Variants in SUCLA2 observed in about 807,000 individuals in gnomAD.
The protein encoded by SUCLA2 is succinate--CoA ligase [ADP-forming] subunit beta, mitochondrial.
In SUCLA2, 30 loss-of-function variants were observed where a neutral mutation model predicts 54.8. The observed-to-expected ratio is 0.55, with a 90% CI of 0.41 to 0.74. The LOEUF is 0.74. Among genes scored for constraint, SUCLA2 ranks in the 30% least tolerant of loss-of-function variants. SUCLA2 has a pLI of 0.00. For synonymous variants in SUCLA2, 172 were observed against 188.9 expected (o/e 0.91, Z 0.74); for missense variants, 476 against 562.9 (o/e 0.85, Z 1.56).
chr13:47,992,054 G>A (rs188824467), intron 2 of SUCLA2, among the ~76,000 whole-genome samples: 4 of 152,284 alleles, frequency 2.6e-5, no homozygotes, highest in African/African-American at 4.8e-5. Context: ...TACCTGTCCA[G>A]TCCTGATTTT....
chr13:47,970,734 C>G (rs2137718216), intron 5 of SUCLA2, among the ~76,000 whole-genome samples: 1 of 152,244 alleles, frequency 6.6e-6, no homozygotes, highest in East Asian at 1.9e-4. Context: ...GTGGCGGGCG[C>G]CTGTAATCCC....
At chr13:47,949,689 A>G in intron 8 of SUCLA2, 86 bp from the exon 9 acceptor site, 2 of 1,353,232 alleles carry the variant, frequency 1.5e-6, no homozygotes, top group Non-Finnish European at 2.1e-6. Context: ...GTGCTTCATG[A>G]TAAACATTAA....
In SUCLA2 at chr13:47,976,909, A is replaced by G. The variant is rs1036939703; in HGVS notation, c.535-3517T>C. Among the ~76,000 whole-genome samples, 7 of 152,150 alleles carry G rather than the reference A, an allele frequency of 4.6e-5. No individual in the cohort carries two copies. In the East Asian group the frequency reaches 1.2e-3, roughly 25 times the overall value. ...GGGATGCTCAACCTATATTTATACC[A>G]CAAGAAACTAGAAAAAGAATAACTA... On this transcript the variant is annotated intron_variant, in intron 4 of 10. Coordinates refer to ENST00000646932, the MANE Select transcript of SUCLA2 (RefSeq NM_003850.3).
In SUCLA2 at chr13:48,001,202, G is replaced by C. The variant is rs538760468; in HGVS notation, c.68C>G (p.Thr23Arg). ...TACCTGAGCAGCAGCCCGCTGGGCC[G>C]TCCGAGGCCGGTGGTTCCGAAGGGT... ...VATLRNHRPR[T>R]AQRAAAQVLG... Residue 23 changes from threonine (T) to arginine (R), a missense_variant, in exon 1 of 11, where the codon ACG becomes AGG. Thr to Arg is a moderately conservative substitution (Grantham distance 71, BLOSUM62 -1). This residue lies in a region of SUCLA2 where 134 missense variants were observed against 118.7 expected (regional missense o/e 1.13). Coordinates refer to ENST00000646932, the MANE Select transcript of SUCLA2 (RefSeq NM_003850.3). 78 of 1,609,618 alleles carry C rather than the reference G, an allele frequency of 4.8e-5. No homozygotes were observed. Among genetic ancestry groups the C allele is most frequent in the Admixed American group, 2.2e-4 (13 of 59,490 alleles).
At chr13:47,960,736 T>C (rs1471808059) in intron 6 of SUCLA2, among the ~76,000 whole-genome samples, 1 of 152,172 alleles carries the variant, frequency 6.6e-6, no homozygotes, top group Non-Finnish European at 1.5e-5. Context: ...TCTAGTGACT[T>C]TTGATCCCAA....
In SUCLA2 at chr13:47,947,274, T is replaced by TACACAC. The variant is rs34458960; in HGVS notation, c.1317+1660_1317+1665dup. Among the ~76,000 whole-genome samples the TACACAC allele has an allele frequency of 4.9e-3, 715 of 144,924 alleles. 4 individuals carry two copies. The highest frequency in any genetic ancestry group is 7.2e-3 in the Middle Eastern group (2 of 278). ...TGCATGTGTATGCACACACGCACAA[T>TACACAC]ACACACACACACACACACACACACA... On this transcript the variant is annotated intron_variant, in intron 10 of 10. Coordinates refer to ENST00000646932, the MANE Select transcript of SUCLA2 (RefSeq NM_003850.3).
chr13:47,994,039 C>G (rs1950171676), intron 2 of SUCLA2, among the ~76,000 whole-genome samples: 1 of 124,340 alleles, frequency 8.0e-6, no homozygotes, highest in Non-Finnish European at 1.7e-5. Context: ...GCCTGGGCAA[C>G]AAGAACGAAA....
At chr13:47,986,847 T>C (rs1950108808) in intron 4 of SUCLA2, among the ~76,000 whole-genome samples, 2 of 152,180 alleles carry the variant, frequency 1.3e-5, no homozygotes, top group African/African-American at 4.8e-5. Context: ...GATTAGTTAA[T>C]TCCCATGCAT....
chr13:47,982,331 A>G (rs1950066393), intron 4 of SUCLA2, among the ~76,000 whole-genome samples: 1 of 152,200 alleles, frequency 6.6e-6, no homozygotes, highest in African/African-American at 2.4e-5. Flanking sequence ...ATGCTGAGAT[A>G]AACCAGTTAC....
chr13:47,952,237 C>T (rs1949782134), intron 8 of SUCLA2, among the ~76,000 whole-genome samples: 1 of 152,136 alleles, frequency 6.6e-6, no homozygotes, highest in South Asian at 2.1e-4. Context: ...TCACCACTCT[C>T]TCCCGATCTG....
chr13:47,966,082 A>T (rs1949916108), intron 6 of SUCLA2, among the ~76,000 whole-genome samples: 1 of 152,168 alleles, frequency 6.6e-6, no homozygotes, highest in African/African-American at 2.4e-5. Flanking sequence ...TTTAGACACT[A>T]GAAGAACAAT....
chr13:47,981,941 C>A (rs960781940), intron 4 of SUCLA2, among the ~76,000 whole-genome samples: 2 of 152,162 alleles, frequency 1.3e-5, no homozygotes, highest in African/African-American at 4.8e-5. Context: ...GCCGAGACTG[C>A]ACTACTGCAC....
intron 9 of SUCLA2, among the ~76,000 whole-genome samples, chr13:47,949,231 C>T (rs1949758013): frequency 6.6e-6 from 1 of 152,100 alleles, no homozygotes; most frequent in Non-Finnish European, 1.5e-5. Flanking sequence ...TTCTGACTTG[C>T]TTAGTAATTC....
intron 6 of SUCLA2, among the ~76,000 whole-genome samples, chr13:47,960,666 T>G (rs931476422): frequency 1.3e-5 from 2 of 152,054 alleles, no homozygotes; most frequent in African/African-American, 4.8e-5. Flanking sequence ...GTGTGGACCA[T>G]TATTAAAATT....
At chr13:47,968,203 T>C (rs1171920594) in intron 6 of SUCLA2, among the ~76,000 whole-genome samples, 1 of 152,224 alleles carries the variant, frequency 6.6e-6, no homozygotes, top group Non-Finnish European at 1.5e-5. Flanking sequence ...GTGTGTGCTC[T>C]TTTAATATGG....
chr13:47,989,038 T>G (rs1270275902), intron 2 of SUCLA2, 57 bp from the exon 3 acceptor site: 1 of 1,507,088 alleles, frequency 6.6e-7, no homozygotes, highest in Non-Finnish European at 9.2e-7. Flanking sequence ...CCAGACATAG[T>G]ATTTTGTTAT....
chr13:47,988,453 C>G (rs1365523467), intron 4 of SUCLA2, 88 bp downstream of exon 4: 5 of 1,458,100 alleles, frequency 3.4e-6, no homozygotes, highest in Non-Finnish European at 3.8e-6. Context: ...CTTTTAAAAT[C>G]TTTCCCACAT....
At chr13:47,952,408 G>A (rs7326889) in intron 8 of SUCLA2, among the ~76,000 whole-genome samples, 94,840 of 151,654 alleles carry the variant, frequency 0.63, 30,600 homozygotes, top group East Asian at 0.77. Context: ...CTCCAATATA[G>A]GAAGTACAAT....
intron 2 of SUCLA2, 86 bp downstream of exon 2, chr13:47,996,756 TA>T: frequency 2.3e-6 from 3 of 1,305,608 alleles, no homozygotes; most frequent in Non-Finnish European, 3.2e-6. Context: ...AAAAAAAAGC[TA>T]AAAGTTGTTA....
Sources: gnomAD v4.1 joint callset for allele counts (sites outside exome capture counted in the v4.1 genomes callset) on GRCh38, gnomAD v4.1.1 for gene constraint, gnomAD v4.1.1 regional missense constraint, MANE v1.5 for transcripts, NCBI Gene and HGNC (gene_info 2026-07-23, HGNC 2026-07-21) for gene names.